The following LTF variants were observed in gnomAD, a reference collection of about 807,000 sequenced individuals.
LTF encodes lactotransferrin.
In LTF, 91 loss-of-function variants were observed where a neutral mutation model predicts 87.2. That is an observed-to-expected ratio of 1.04 (90% CI 0.88 to 1.24). The LOEUF (loss-of-function observed/expected upper bound fraction) is 1.24. Among genes scored for constraint, LTF ranks in the 50% most tolerant of loss-of-function variants. LTF has a pLI of 0.00. For synonymous variants in LTF, 378 were observed against 356.1 expected, an observed-to-expected ratio of 1.06 and a Z score of -0.69; for missense variants, 901 against 904.3, an observed-to-expected ratio of 1.00 and a Z score of 0.05.
At chr3:46,462,625 A>T (rs1449701214) in intron 1 of LTF, among the ~76,000 whole-genome samples, 1 of 152,182 alleles carries the variant, frequency 6.6e-6, no homozygotes, top group Non-Finnish European at 1.5e-5. Flanking sequence ...TCCAATGCTG[A>T]TCCAGGGAGG....
intron 1 of LTF, among the ~76,000 whole-genome samples, chr3:46,482,798 G>A (rs12496581): frequency 1.7e-4 from 18 of 108,156 alleles, no homozygotes; most frequent in South Asian, 1.0e-3. Context: ...AAAGAAAGAA[G>A]GAAGGAAAGA....
rs1179613670 is a variant in LTF, at chr3:46,482,609, G to GAAGAAAGAAAGAAAGA, written c.-320+2361_-320+2376dup. ...GGAGAAAGAGAGAGAAAGAAAGAAA[G>GAAGAAAGAAAGAAAGA]AAGAAAGAAAGAAAGAAAGAAAGAA... On this transcript the variant is annotated intron_variant, in intron 1 of 19. Transcript: ENST00000443496. 1.9e-3 allele frequency among the ~76,000 whole-genome samples: 108 copies of GAAGAAAGAAAGAAAGA among 56,970 alleles called. 9 individuals carry two copies. Among genetic ancestry groups the GAAGAAAGAAAGAAAGA allele is most frequent in the Middle Eastern group, 9.4e-3 (1 of 106 alleles). The allele number at this position is 56,970 out of a possible 152,430, so 37.4% of individuals were successfully genotyped here.
chr3:46,469,750 G>A (rs1371485403), upstream of LTF, among the ~76,000 whole-genome samples: 1 of 152,180 alleles, frequency 6.6e-6, no homozygotes, highest in African/African-American at 2.4e-5. Context: ...CCCTTTTGAA[G>A]ACAGCCAAAG....
At chr3:46,463,729 G>A (rs1703143024) in intron 1 of LTF, 1 of 885,662 alleles carries the variant, frequency 1.1e-6, no homozygotes, top group African/African-American at 1.8e-5. Context: ...GCCCCTCCCA[G>A]GTGGCCCTAA....
At position 46,437,945 on chromosome 3, in the gene LTF, G is replaced by A; in HGVS notation, c.2093C>T (p.Thr698Ile). Residue 698 changes from threonine to isoleucine, a missense_variant, in exon 16 of 17, where the codon ACC becomes ATC. Thr to Ile is a moderately conservative substitution (Grantham distance 89). Transcript: ENST00000231751. ...AGITNLKKCSTSPLLEACEFL... is the reference protein window; with the variant it reads ...AGITNLKKCSISPLLEACEFL... ...GCTAGCTAGGGTCTACTTACGGGAG[G>A]TTGAGCACTTTTTCAGATTAGTAAT... 9 of 1,613,780 alleles carry A rather than the reference G, an allele frequency of 5.6e-6. No individual in the cohort carries two copies. The highest frequency in any genetic ancestry group is 1.3e-5 in the African/African-American group (1 of 74,960).
At chr3:46,478,837 A>G (rs1703395732) in intron 1 of LTF, among the ~76,000 whole-genome samples, 1 of 152,192 alleles carries the variant, frequency 6.6e-6, no homozygotes, top group Non-Finnish European at 1.5e-5. Context: ...AGAAAATAAT[A>G]TTTTTTATGC....
chr3:46,441,176 A>AGTGT lies in LTF; in HGVS notation c.1723+236_1723+239dup, dbSNP rs35012752. The stretch of plus-strand genomic sequence containing the variant: ...GCTAGTATCTGTGTGTGTGAGAGTG[A>AGTGT]GTGTGTGTGTGTGTGTGAGAGAAAG... On this transcript the variant is annotated intron_variant, in intron 14 of 16. Transcript: ENST00000231751. 5.6e-4 allele frequency among the ~76,000 whole-genome samples: 81 copies of AGTGT among 145,074 alleles called. 1 individual carries two copies. Among genetic ancestry groups the AGTGT allele is most frequent in the East Asian group, 4.3e-3 (20 of 4,670 alleles).
rs767355295 is a variant in LTF, at chr3:46,437,930, G to A, written c.2098+10C>T. Reference sequence around the variant, plus strand: ...TGGTTTCTCGGGGATGCTAGCTAGGGTCTACTTACGGGAGGTTGAGCACTT... The same window carrying A: ...TGGTTTCTCGGGGATGCTAGCTAGGATCTACTTACGGGAGGTTGAGCACTT... On this transcript the variant is annotated intron_variant, in intron 16 of 16. Coordinates refer to ENST00000231751, the MANE Select transcript of LTF (RefSeq NM_002343.6). 5.6e-6 allele frequency: 9 copies of A among 1,611,804 alleles called. No homozygotes were observed. Among genetic ancestry groups the A allele is most frequent in the Non-Finnish European group, 7.6e-6 (9 of 1,178,916 alleles).
chr3:46,448,200 C>CAAT (rs903580447), intron 9 of LTF, among the ~76,000 whole-genome samples: 10 of 151,926 alleles, frequency 6.6e-5, no homozygotes, highest in East Asian at 3.9e-4. Flanking sequence ...CCTGTCGCTA[C>CAAT]AATAATAATA....
intron 1 of LTF, among the ~76,000 whole-genome samples, chr3:46,472,519 T>TGA (rs1559611667): frequency 1.3e-5 from 2 of 149,246 alleles, no homozygotes; most frequent in African/African-American, 5.0e-5. Context: ...TGTGTGTGTG[T>TGA]GTGTGTGTGA....
At chr3:46,453,824 A>G (rs13064957) in intron 6 of LTF, among the ~76,000 whole-genome samples, 9,262 of 152,238 alleles carry the variant, frequency 0.061, 421 homozygotes, top group South Asian at 0.15. Flanking sequence ...TCTGTCCATC[A>G]CTATGGTGAC....
chr3:46,456,315 C>T lies in LTF; in HGVS notation c.291G>A (p.Ala97=), dbSNP rs757647449. The T allele has an allele frequency of 1.3e-5, 21 of 1,613,952 alleles. No homozygotes were observed. Among genetic ancestry groups the T allele is most frequent in the Middle Eastern group, 1.6e-4 (1 of 6,084 alleles). Residue 97 remains alanine, a synonymous_variant, in exon 3 of 17, where the codon GCG becomes GCA. Coordinates refer to ENST00000231751, the MANE Select transcript of LTF (RefSeq NM_002343.6). ...GLAPYKLRPV[A]AEVYGTERQP... ...GTCTTTCGGTCCCGTAGACTTCCGC[C>T]GCTACAGGTCGCAGTTTGTAGGGGG...
Position 46,443,582 on chromosome 3 carries a change from T to C in LTF, c.1514A>G (p.Asp505Gly), listed in dbSNP as rs1235324104. 1 of 1,614,016 alleles carries C rather than the reference T, an allele frequency of 6.2e-7. No individual in the cohort carries two copies. Among genetic ancestry groups the C allele is most frequent in the Admixed American group, 1.7e-5 (1 of 60,018 alleles). The change falls in exon 13 of 17, where the codon GAT becomes GGT. Residue 505 changes from aspartate to glycine, a missense_variant and splice_region_variant. Transcript: ENST00000231751. ...LFNQTGSCKF[D>G]EYFSQSCAPG... is the part of the protein sequence containing the mutation. ...GGCACAGCTTTGACTGAAATATTCA[T>C]CTGGAGAGAAGGAACACGGGGAGTC... is the stretch of plus-strand genomic sequence containing the variant.
At chr3:46,474,356 G>A (rs1703331395) in intron 1 of LTF, among the ~76,000 whole-genome samples, 1 of 152,142 alleles carries the variant, frequency 6.6e-6, no homozygotes, top group African/African-American at 2.4e-5. Context: ...AAAATTATTA[G>A]GGGCAGAAAG....
chr3:46,482,528 G>T (rs868503596), intron 1 of LTF, among the ~76,000 whole-genome samples: 1 of 75,022 alleles, frequency 1.3e-5, no homozygotes, highest in Admixed American at 1.5e-4. Flanking sequence ...GGGAAGGGAA[G>T]GGAAGGGAAG....
chr3:46,459,069 G>T (rs13327723), intron 2 of LTF, among the ~76,000 whole-genome samples: 9,071 of 152,240 alleles, frequency 0.06, 807 homozygotes, highest in African/African-American at 0.19. Context: ...CACATGGCAG[G>T]TACACAGAAT....
At chr3:46,436,710 T>C (rs925123403) in intron 16 of LTF, among the ~76,000 whole-genome samples, 1 of 152,226 alleles carries the variant, frequency 6.6e-6, no homozygotes, top group African/African-American at 2.4e-5. Context: ...TATGCAGTCC[T>C]GAGCTGGCTG....
Position 46,482,707 on chromosome 3 carries a change from A to AAGGAAGGAAGGAAG in LTF, c.-320+2278_-320+2279insCTTCCTTCCTTCCT, listed in dbSNP as rs1559614952. ...AGGAAGGAAGGAAGGAAGGAAGGAAAGAAAGAAAGAGAAAGAAAGGAAGGA... is the reference window on the plus strand; with the variant it reads ...AGGAAGGAAGGAAGGAAGGAAGGAAAAGGAAGGAAGGAAGGAAAGAAAGAGAAAGAAAGGAAGGA... On this transcript the variant is annotated intron_variant, in intron 1 of 19. Transcript: ENST00000443496. Among the ~76,000 whole-genome samples, 11 of 103,246 alleles carry AAGGAAGGAAGGAAG rather than the reference A, an allele frequency of 1.1e-4. 1 individual carries two copies. Among genetic ancestry groups the AAGGAAGGAAGGAAG allele is most frequent in the African/African-American group, 4.2e-4 (10 of 23,980 alleles). The allele number at this position is 103,246 out of a possible 152,430, so 67.7% of individuals were successfully genotyped here.
chr3:46,467,897 C>T (rs1037466689), upstream of LTF, among the ~76,000 whole-genome samples: 1 of 152,232 alleles, frequency 6.6e-6, no homozygotes, highest in Non-Finnish European at 1.5e-5. Flanking sequence ...GTTCATCTGC[C>T]TCTGGAAAGG....
Sources: gnomAD v4.1 joint callset for allele counts (sites outside exome capture counted in the v4.1 genomes callset) on GRCh38, gnomAD v4.1.1 for gene constraint, MANE v1.5 for transcripts, NCBI Gene and HGNC (gene_info 2026-07-23, HGNC 2026-07-21) for gene names.